Variants in CLXN observed in about 807,000 individuals in gnomAD.
CLXN encodes calaxin, also known as EF-hand calcium binding domain 1.
At chr8:48,722,826 T>C in the CLXN span, among the ~76,000 whole-genome samples, 1 of 152,008 alleles carries the variant, frequency 6.6e-6, no homozygotes, top group Non-Finnish European at 1.5e-5. Flanking sequence ...AGAAGGAAAT[T>C]ATGCCATTTC....
At chr8:48,717,177 G>T in the CLXN span, among the ~76,000 whole-genome samples, 2 of 151,994 alleles carry the variant, frequency 1.3e-5, no homozygotes, top group Non-Finnish European at 1.5e-5. Context: ...AAAAATAAAA[G>T]AAACACAAAG....
the CLXN span, among the ~76,000 whole-genome samples, chr8:48,720,452 G>T: frequency 6.6e-6 from 1 of 152,150 alleles, no homozygotes; most frequent in African/African-American, 2.4e-5. Context: ...GTCTTGTGCA[G>T]TTGAGATAAG....
the CLXN span, among the ~76,000 whole-genome samples, chr8:48,734,002 C>A: frequency 1.6e-4 from 25 of 152,110 alleles, no homozygotes; most frequent in Non-Finnish European, 3.2e-4. Context: ...GTATAGTAGT[C>A]ATAATAATAT....
At chr8:48,724,953 T>A in the CLXN span, 1 of 581,094 alleles carries the variant, frequency 1.7e-6, no homozygotes, top group Non-Finnish European at 3.0e-6. Context: ...CTCACAGATC[T>A]CATGACTACA....
chr8:48,717,616 A>C, the CLXN span, among the ~76,000 whole-genome samples: 1 of 152,230 alleles, frequency 6.6e-6, no homozygotes, highest in Non-Finnish European at 1.5e-5. Context: ...GTAAAGATAA[A>C]TATGTAGACA....
At chr8:48,719,980 G>A in the CLXN span, among the ~76,000 whole-genome samples, 1 of 152,236 alleles carries the variant, frequency 6.6e-6, no homozygotes, top group South Asian at 2.1e-4. Context: ...GGACCGGCTG[G>A]AGCTGCGGCA....
At chr8:48,728,892 T>G in the CLXN span, 1 of 525,828 alleles carries the variant, frequency 1.9e-6, no homozygotes, top group Non-Finnish European at 3.3e-6. Context: ...AAGAAATGAA[T>G]CAGCAGGTTA....
chr8:48,730,448 C>T, the CLXN span: 6 of 724,520 alleles, frequency 8.3e-6, 1 homozygote, highest in East Asian at 3.2e-5. Context: ...CCAACAAACC[C>T]ACTTTACTGT....
the CLXN span, chr8:48,730,244 C>A: frequency 3.2e-6 from 1 of 311,656 alleles, no homozygotes; most frequent in Middle Eastern, 9.2e-4. Context: ...GTAATGAAAT[C>A]TGTCAAATGC....
the CLXN span, among the ~76,000 whole-genome samples, chr8:48,712,914 C>T: frequency 6.7e-6 from 1 of 148,946 alleles, no homozygotes; most frequent in African/African-American, 2.5e-5. Flanking sequence ...GCAGGAGAAT[C>T]GCTTGAATCT....
the CLXN span, chr8:48,723,766 G>A: frequency 6.6e-6 from 1 of 152,430 alleles, no homozygotes; most frequent in African/African-American, 2.4e-5. Flanking sequence ...CCTGATAAGG[G>A]GGTACACAAG....
At chr8:48,735,175 C>G in the CLXN span, 1 of 1,613,494 alleles carries the variant, frequency 6.2e-7, no homozygotes, top group Non-Finnish European at 8.5e-7. Context: ...AGAATCGGGC[C>G]GCGGCGGGGG....
the CLXN span, among the ~76,000 whole-genome samples, chr8:48,727,947 C>G: frequency 1.3e-5 from 2 of 152,148 alleles, no homozygotes; most frequent in East Asian, 3.9e-4. Flanking sequence ...TTTGACTGAA[C>G]AACTGGGCGT....
the CLXN span, among the ~76,000 whole-genome samples, chr8:48,725,513 T>G: frequency 6.6e-6 from 1 of 152,128 alleles, no homozygotes; most frequent in African/African-American, 2.4e-5. Flanking sequence ...CTTTTAAAAT[T>G]CTAATGGGAG....
chr8:48,712,714 A>T, the CLXN span, among the ~76,000 whole-genome samples: 3 of 152,128 alleles, frequency 2.0e-5, no homozygotes, highest in South Asian at 2.1e-4. Flanking sequence ...AAACTGAGAA[A>T]GTTTGGCCGG....
chr8:48,723,602 A>G, the CLXN span: 1 of 152,264 alleles, frequency 6.6e-6, no homozygotes, highest in Non-Finnish European at 1.5e-5. Context: ...TGTGTGTACC[A>G]AGAAGGCAGA....
the CLXN span, chr8:48,713,816 G>A: frequency 2.0e-5 from 3 of 152,148 alleles, no homozygotes; most frequent in African/African-American, 7.2e-5. Flanking sequence ...AGAGATATTT[G>A]CAGGTTAAGA....
chr8:48,722,765 T>TACAC, the CLXN span, among the ~76,000 whole-genome samples: 222 of 149,428 alleles, frequency 1.5e-3, 2 homozygotes, highest in South Asian at 2.8e-3. Context: ...GTCTCCCCAT[T>TACAC]ACACACACAC....
chr8:48,727,813 A>T, the CLXN span, among the ~76,000 whole-genome samples: 1 of 152,216 alleles, frequency 6.6e-6, no homozygotes, highest in South Asian at 2.1e-4. Context: ...TAGGTAACAT[A>T]TAACAGTGGC....
Sources: allele counts gnomAD v4.1 joint callset (sites outside exome capture counted in the v4.1 genomes callset), GRCh38; gene constraint gnomAD v4.1.1; transcripts MANE v1.5; gene names NCBI Gene and HGNC (gene_info 2026-07-23, HGNC 2026-07-21).